Variants in CDT1 observed in about 807,000 individuals in gnomAD.
CDT1 encodes chromatin licensing and DNA replication factor 1.
CDT1 carries 66 observed loss-of-function variants against 49.3 expected under a neutral mutation model. The ratio of observed to expected loss-of-function variants is 1.34; its 90% confidence interval spans 1.10 to 1.64. The LOEUF (loss-of-function observed/expected upper bound fraction) is 1.64, where lower values mean the gene tolerates loss of function less well. Ranked by LOEUF, CDT1 falls within the 40% of genes most tolerant of loss-of-function variation. The probability of loss-of-function intolerance (pLI) is 0.00; values close to 1 mark genes in which losing one functional copy is unlikely to be tolerated. For missense variants in CDT1, 958 were observed against 807.7 expected (o/e 1.19, Z -2.26); for synonymous variants, 424 against 347.4 (o/e 1.22, Z -2.45).
In CDT1 at chr16:88,807,283, C is replaced by G; in HGVS notation, c.1278C>G (p.Ile426Met). The change falls in exon 9 of 10, where the codon ATC becomes ATG. Residue 426 changes from isoleucine to methionine, a missense_variant and splice_region_variant. By Grantham distance (10) the Ile-to-Met change is conservative. Coordinates refer to ENST00000301019, the MANE Select transcript of CDT1 (RefSeq NM_030928.4). ...KGVSQDLLER[I>M]RAKEAQKQLA... is the part of the protein sequence containing the mutation. ...CCAGGTCCCGGTACCTGCTGCAGATCCGAGCCAAGGAGGCACAGAAGCAGC... is the reference window on the plus strand; with the variant it reads ...CCAGGTCCCGGTACCTGCTGCAGATGCGAGCCAAGGAGGCACAGAAGCAGC... 1 of 1,612,076 alleles carries G rather than the reference C, an allele frequency of 6.2e-7. No homozygotes were observed. Among genetic ancestry groups the G allele is most frequent in the Non-Finnish European group, 8.5e-7 (1 of 1,179,896 alleles).
intron 9 of CDT1, among the ~76,000 whole-genome samples, chr16:88,807,786 C>T (rs1023126648): frequency 1.3e-5 from 2 of 148,844 alleles, no homozygotes; most frequent in African/African-American, 5.2e-5. Context: ...CCTCCACTGC[C>T]TCCCAGGCCT....
rs760579130 is a variant in CDT1, at chr16:88,805,793, G to C, written c.756G>C (p.Glu252Asp). 1.2e-6 allele frequency: 2 copies of C among 1,613,188 alleles called. No individual in the cohort carries two copies. Among genetic ancestry groups the C allele is most frequent in the Admixed American group, 3.3e-5 (2 of 60,030 alleles). The change falls in exon 5 of 10, where the codon GAG becomes GAC. Residue 252 changes from glutamate (E) to aspartate (D), a missense_variant. Coordinates refer to ENST00000301019, the MANE Select transcript of CDT1 (RefSeq NM_030928.4). ...CGGCCTCCTACCGCTTCCGCCAGGA[G>C]CGCAGTGTCCCCACCTTCAAGGATG... ...VYPASYRFRQ[E>D]RSVPTFKDGT...
At chr16:88,804,426 GC>G (rs1908765429) in intron 1 of CDT1, 118 bp from the exon 2 acceptor site, 3 of 1,317,194 alleles carry the variant, frequency 2.3e-6, no homozygotes, top group Non-Finnish European at 3.2e-6. Flanking sequence ...GAAGTCCTAA[GC>G]CCCCCAGCCA....
rs200506462 is a variant in CDT1 at position 88,805,714 on chromosome 16, C to T, written c.687-10C>T. The stretch of plus-strand genomic sequence containing the variant: ...GGCCTGCCTCCTGAGCCGCCCCCAT[C>T]CTCCCATAGGCGTTTTGAGGAGTGC... On this transcript the variant is annotated splice_polypyrimidine_tract_variant and intron_variant, in intron 4 of 9. Transcript: ENST00000301019. 8.7e-6 allele frequency: 14 copies of T among 1,612,744 alleles called. No homozygotes were observed. The highest frequency in any genetic ancestry group is 9.3e-6 in the Non-Finnish European group (11 of 1,180,020).
At position 88,804,059 on chromosome 16, in the gene CDT1, G is replaced by T. The variant is rs1318615644; in HGVS notation, c.228G>T (p.Glu76Asp). The T allele has an allele frequency of 2.8e-6, 4 of 1,447,962 alleles. No individual in the cohort carries two copies. Among genetic ancestry groups the T allele is most frequent in the Non-Finnish European group, 3.6e-6 (4 of 1,107,302 alleles). The allele number at this position is 1,447,962 out of a possible 1,614,324, so 89.7% of individuals were successfully genotyped here. A position where few individuals can be genotyped will look rare whatever the true frequency, so the allele number is the denominator to read the frequency against. The change falls in exon 1 of 10, where the codon GAG becomes GAT. Residue 76 changes from glutamate (E) to aspartate (D), a missense_variant and splice_region_variant. Transcript: ENST00000301019. ...ARRRLRLSVD[E>D]VSSPSTPEAP... ...GGAGACTGCGGCTGTCGGTGGACGA[G>T]GTGAGGGGCGTGGGGAGACTGAGGC...
intron 9 of CDT1, 74 bp downstream of exon 9, chr16:88,807,556 G>A: frequency 1.5e-6 from 2 of 1,365,072 alleles, no homozygotes; most frequent in East Asian, 2.4e-5. Context: ...CCAGCTTTCT[G>A]AGCAGAGGTG....
In CDT1 at chr16:88,809,106, C is replaced by T. The variant is rs183683347; in HGVS notation, c.*828C>T. On this transcript the variant is annotated 3_prime_UTR_variant, in exon 10 of 10. Coordinates refer to ENST00000301019, the MANE Select transcript of CDT1 (RefSeq NM_030928.4). Reference sequence around the variant, plus strand: ...GGCCAGAGCCAGCCAGCTTTGAAGACGCGGCCCTGCCCCGACACAGGCAGC... The same window carrying T: ...GGCCAGAGCCAGCCAGCTTTGAAGATGCGGCCCTGCCCCGACACAGGCAGC... 6.2e-4 allele frequency: 152 copies of T among 244,980 alleles called. No individual in the cohort carries two copies. The highest frequency in any genetic ancestry group is 2.8e-3 in the African/African-American group (123 of 44,112). 15.2% of individuals were successfully genotyped at this position (244,980 alleles called of 1,614,324 possible).
intron 1 of CDT1, 102 bp from the exon 2 acceptor site, chr16:88,804,443 G>A (rs985194291): frequency 1.4e-5 from 21 of 1,454,162 alleles, no homozygotes; most frequent in Middle Eastern, 1.8e-4. Flanking sequence ...AGCCATGCCC[G>A]TCCCAGTTAA....
In CDT1 at chr16:88,807,418, T is replaced by C; in HGVS notation, c.1413T>C (p.Pro471=). The C allele has an allele frequency of 1.2e-6, 2 of 1,613,020 alleles. No individual in the cohort carries two copies. Among genetic ancestry groups the C allele is most frequent in the Non-Finnish European group, 1.7e-6 (2 of 1,179,976 alleles). ...GCGTCTTTGTGTCCGAACGCAAGCC[T>C]GCGCTCAGCATGGAGGTGGCCTGTG... is the stretch of plus-strand genomic sequence containing the variant. ...LRSVFVSERK[P]ALSMEVACAR... The change falls in exon 9 of 10, where the codon CCT becomes CCC. Residue 471 remains proline (P), a synonymous_variant. Coordinates refer to ENST00000301019, the MANE Select transcript of CDT1 (RefSeq NM_030928.4).
chr16:88,805,341 G>T, intron 3 of CDT1, 99 bp from the exon 4 acceptor site: 3 of 1,381,652 alleles, frequency 2.2e-6, no homozygotes, highest in African/African-American at 1.4e-5. Context: ...GTGTGGCATG[G>T]CAGGCCCCAT....
chr16:88,805,649 G>T lies in CDT1; in HGVS notation c.686+12G>T, dbSNP rs1472096175. 3 of 1,612,634 alleles carry T rather than the reference G, an allele frequency of 1.9e-6. No homozygotes were observed. On this transcript the variant is annotated intron_variant, in intron 4 of 9. Coordinates refer to ENST00000301019, the MANE Select transcript of CDT1 (RefSeq NM_030928.4). ...GACATGATGCGTAGGTGAGTGGCCG[G>T]GGGTGGGCTGTGGCTGTCCTGGAGT...
In CDT1 at chr16:88,803,945, C is replaced by T. The variant is rs1835146795; in HGVS notation, c.114C>T (p.Arg38=). ...RTPSPARPAL[R]APASATSGSR... ...CCAGCCCCGCCAGGCCCGCACTCCG[C>T]GCCCCGGCCTCCGCTACCAGTGGCA... Residue 38 remains arginine, a synonymous_variant, in exon 1 of 10, where the codon CGC becomes CGT. Transcript: ENST00000301019. The T allele has an allele frequency of 7.1e-7, 1 of 1,403,620 alleles. No homozygotes were observed. The highest frequency in any genetic ancestry group is 9.3e-7 in the Non-Finnish European group (1 of 1,079,512). 86.9% of individuals were successfully genotyped at this position (1,403,620 alleles called of 1,614,324 possible).
chr16:88,803,920 C>G lies in CDT1; in HGVS notation c.89C>G (p.Pro30Arg), dbSNP rs1167867083. Residue 30 changes from proline to arginine, a missense_variant, in exon 1 of 10, where the codon CCC (proline) becomes CGC (arginine). Transcript: ENST00000301019. ...IAPPKLACRT[P>R]SPARPALRAP... ...CCGCCCAAGCTGGCCTGCCGCACCC[C>G]CAGCCCCGCCAGGCCCGCACTCCGC... 31 of 1,371,574 alleles carry G rather than the reference C, an allele frequency of 2.3e-5. No individual in the cohort carries two copies. The highest frequency in any genetic ancestry group is 2.1e-4 in the Middle Eastern group (1 of 4,660). The allele number at this position is 1,371,574 out of a possible 1,614,324, so 85.0% of individuals were successfully genotyped here.
chr16:88,808,282 T>C lies in CDT1; in HGVS notation c.*4T>C. ...ACGTGCTGAGGAGGGGCTGTGAGCC[T>C]GGGGGCCACTGTGGACAGACGTGGG... On this transcript the variant is annotated 3_prime_UTR_variant, in exon 10 of 10. Coordinates refer to ENST00000301019, the MANE Select transcript of CDT1 (RefSeq NM_030928.4). The C allele has an allele frequency of 6.3e-7, 1 of 1,579,422 alleles. No homozygotes were observed. Among genetic ancestry groups the C allele is most frequent in the East Asian group, 2.3e-5 (1 of 43,304 alleles).
Position 88,805,628 on chromosome 16 carries a change from T to C in CDT1, c.677T>C (p.Met226Thr). The C allele has an allele frequency of 6.2e-7, 1 of 1,612,664 alleles. No individual in the cohort carries two copies. Among genetic ancestry groups the C allele is most frequent in the Non-Finnish European group, 8.5e-7 (1 of 1,179,926 alleles). ...FAKVQRGVQDMMRRRFEECNV... is the reference protein window; with the variant it reads ...FAKVQRGVQDTMRRRFEECNV... The stretch of plus-strand genomic sequence containing the variant: ...AAGGTCCAGCGGGGCGTCCAGGACA[T>C]GATGCGTAGGTGAGTGGCCGGGGGT... The change falls in exon 4 of 10, where the codon ATG (methionine) becomes ACG (threonine). Residue 226 changes from methionine (M) to threonine (T), a missense_variant. Transcript: ENST00000301019.
chr16:88,805,955 C>T, intron 5 of CDT1, 66 bp from the exon 6 acceptor site: 1 of 1,583,506 alleles, frequency 6.3e-7, no homozygotes, highest in Admixed American at 1.8e-5. Context: ...GCATCTGGCC[C>T]AGGACTGGTC....
intron 4 of CDT1, 43 bp from the exon 5 acceptor site, chr16:88,805,681 T>C (rs769924210): frequency 7.4e-6 from 12 of 1,611,754 alleles, no homozygotes; most frequent in Non-Finnish European, 1.0e-5. Flanking sequence ...GAGTTGGGGG[T>C]GGGCCCGGGC....
chr16:88,807,699 A>ACC (rs1908920080), intron 9 of CDT1, among the ~76,000 whole-genome samples: 1 of 152,084 alleles, frequency 6.6e-6, no homozygotes, highest in Non-Finnish European at 1.5e-5. Context: ...CAGCCTCTGG[A>ACC]GGCAGCTTCC....
chr16:88,807,387 TG>T lies in CDT1; in HGVS notation c.1383del (p.Arg462GlyfsTer29), dbSNP rs1271135337. 6.2e-7 allele frequency: 1 copy of T among 1,612,782 alleles called. No homozygotes were observed. Among genetic ancestry groups the T allele is most frequent in the Non-Finnish European group, 8.5e-7 (1 of 1,179,968 alleles). On this transcript the variant is annotated frameshift_variant, in exon 9 of 10. Coordinates refer to ENST00000301019, the MANE Select transcript of CDT1 (RefSeq NM_030928.4). LOFTEE classifies it high-confidence loss of function. Reference protein sequence around the residue: ...LERLPELARVLRSVFVSERKP... With the variant: ...LERLPELARVXRSVFVSERKP... ...CGGCTGCCTGAGCTGGCCCGCGTGC[TG>T]CGGAGCGTCTTTGTGTCCGAACGCA...
Sources: allele counts gnomAD v4.1 joint callset (sites outside exome capture counted in the v4.1 genomes callset), GRCh38; gene constraint gnomAD v4.1.1; transcripts MANE v1.5; gene names NCBI Gene and HGNC (gene_info 2026-07-23, HGNC 2026-07-21).